Variants in CDC14A observed in about 807,000 individuals in gnomAD.
The protein encoded by CDC14A is dual specificity protein phosphatase CDC14A.
Under a neutral mutation model 74.4 loss-of-function variants are expected in CDC14A, and 53 were observed. The observed-to-expected ratio is 0.71, with a 90% CI of 0.57 to 0.89. CDC14A has a LOEUF of 0.89. Ranked by LOEUF, CDC14A falls within the 40% of genes least tolerant of loss-of-function variation. The pLI, the probability that CDC14A is intolerant of heterozygous loss-of-function variation, is 0.00. For missense variants in CDC14A, 646 were observed against 713.7 expected (o/e 0.91, Z 1.08); for synonymous variants, 247 against 258.4 (o/e 0.96, Z 0.43).
At chr1:100,414,759 CA>C (rs1216780697) in intron 4 of CDC14A, among the ~76,000 whole-genome samples, 1 of 152,052 alleles carries the variant, frequency 6.6e-6, no homozygotes, top group Non-Finnish European at 1.5e-5. Flanking sequence ...AAATGTTCTA[CA>C]GGGTTATATT....
chr1:100,374,479 CT>C (rs1289978282), intron 2 of CDC14A, among the ~76,000 whole-genome samples: 1 of 152,152 alleles, frequency 6.6e-6, no homozygotes, highest in Non-Finnish European at 1.5e-5. Flanking sequence ...TGTTTCCTGA[CT>C]TTTTAATGAT....
chr1:100,440,449 A>G (rs775971034), intron 6 of CDC14A, among the ~76,000 whole-genome samples: 1 of 152,018 alleles, frequency 6.6e-6, no homozygotes, highest in African/African-American at 2.4e-5. Context: ...GATTTGATGC[A>G]CTCCAAAGTT....
chr1:100,376,307 A>AT (rs1449100386), intron 2 of CDC14A, among the ~76,000 whole-genome samples: 1 of 152,170 alleles, frequency 6.6e-6, no homozygotes, highest in Non-Finnish European at 1.5e-5. Context: ...ATATATATAT[A>AT]TATAAAGTAC....
Position 100,495,363 on chromosome 1 carries a change from T to C in CDC14A, c.1250+433T>C, listed in dbSNP as rs141710604. Among the ~76,000 whole-genome samples, 304 of 152,328 alleles carry C rather than the reference T, an allele frequency of 2.0e-3. 1 individual carries two copies. Among genetic ancestry groups the C allele is most frequent in the South Asian group, 0.013 (63 of 4,830 alleles). ...CAGCTTTACCTTCTATTTTTGAAAATTGAATAAGCAATTCTTACCTGTGCC... is the reference window on the plus strand; with the variant it reads ...CAGCTTTACCTTCTATTTTTGAAAACTGAATAAGCAATTCTTACCTGTGCC... On this transcript the variant is annotated intron_variant, in intron 12 of 15. Coordinates refer to ENST00000336454, the MANE Select transcript of CDC14A (RefSeq NM_003672.4).
intron 13 of CDC14A, among the ~76,000 whole-genome samples, chr1:100,497,525 A>C (rs913366943): frequency 6.6e-5 from 10 of 152,258 alleles, no homozygotes; most frequent in Non-Finnish European, 1.5e-4. Context: ...AAGGCTATTC[A>C]CAATTTGAAT....
chr1:100,477,871 G>T (rs1346670921), intron 10 of CDC14A, among the ~76,000 whole-genome samples: 3 of 152,148 alleles, frequency 2.0e-5, no homozygotes, highest in Admixed American at 6.5e-5. Flanking sequence ...AGAAAGGCTG[G>T]TTTGTCATAT....
At chr1:100,401,030 G>A (rs1012555875) in intron 4 of CDC14A, among the ~76,000 whole-genome samples, 5 of 152,180 alleles carry the variant, frequency 3.3e-5, no homozygotes, top group African/African-American at 1.2e-4. Flanking sequence ...TATGCTTACA[G>A]TAATTTACTC....
At chr1:100,414,991 A>G (rs972932443) in intron 4 of CDC14A, among the ~76,000 whole-genome samples, 2 of 152,140 alleles carry the variant, frequency 1.3e-5, no homozygotes, top group Non-Finnish European at 2.9e-5. Flanking sequence ...ATGCTGGTAC[A>G]TGAACTCACC....
chr1:100,486,508 G>A (rs888649688), intron 11 of CDC14A, among the ~76,000 whole-genome samples: 2 of 152,206 alleles, frequency 1.3e-5, no homozygotes, highest in Non-Finnish European at 2.9e-5. Flanking sequence ...CGGTTCTGCA[G>A]GTTGGGAAAT....
intron 2 of CDC14A, among the ~76,000 whole-genome samples, chr1:100,372,602 TATC>T (rs1654636355): frequency 6.6e-6 from 1 of 152,232 alleles, no homozygotes; most frequent in African/African-American, 2.4e-5. Context: ...ATTCAAGTTT[TATC>T]ATGAGAATTT....
At chr1:100,441,165 A>G (rs1380625672) in intron 6 of CDC14A, among the ~76,000 whole-genome samples, 1 of 152,266 alleles carries the variant, frequency 6.6e-6, no homozygotes, top group Non-Finnish European at 1.5e-5. Flanking sequence ...ACACTGGAAT[A>G]TCGCTGCCTG....
At chr1:100,370,285 A>T (rs369982237) in intron 2 of CDC14A, among the ~76,000 whole-genome samples, 5 of 151,710 alleles carry the variant, frequency 3.3e-5, no homozygotes, top group South Asian at 4.2e-4. Context: ...CACCCAGCCT[A>T]AAGTTTTTTT....
At chr1:100,472,802 A>G (rs1389102121) in intron 10 of CDC14A, among the ~76,000 whole-genome samples, 5 of 151,884 alleles carry the variant, frequency 3.3e-5, no homozygotes, top group African/African-American at 4.8e-5. Context: ...CAGTTGCTTC[A>G]GTACCATTTT....
At chr1:100,490,607 A>G (rs889092672) in intron 11 of CDC14A, among the ~76,000 whole-genome samples, 2 of 152,118 alleles carry the variant, frequency 1.3e-5, no homozygotes, top group Non-Finnish European at 2.9e-5. Context: ...ACCACTGTAT[A>G]GCCGCTTAAA....
intron 8 of CDC14A, among the ~76,000 whole-genome samples, chr1:100,458,062 C>A (rs538386525): frequency 2.6e-5 from 4 of 152,142 alleles, no homozygotes; most frequent in Non-Finnish European, 4.4e-5. Context: ...AGCCACCATT[C>A]GCTTACCTGC....
intron 10 of CDC14A, among the ~76,000 whole-genome samples, chr1:100,476,846 G>A (rs1386730142): frequency 6.6e-6 from 1 of 152,126 alleles, no homozygotes; most frequent in African/African-American, 2.4e-5. Context: ...TATGGAAAAA[G>A]GGACTTTGCA....
At chr1:100,378,333 T>C (rs1351019511) in intron 3 of CDC14A, among the ~76,000 whole-genome samples, 2 of 152,212 alleles carry the variant, frequency 1.3e-5, no homozygotes, top group Non-Finnish European at 2.9e-5. Flanking sequence ...TATCTCCTTG[T>C]CTTCCAATTT....
rs543219854 is a variant in CDC14A at position 100,361,237 on chromosome 1, A to G, written c.140+7385A>G. On this transcript the variant is annotated intron_variant, in intron 2 of 15. Coordinates refer to ENST00000336454, the MANE Select transcript of CDC14A (RefSeq NM_003672.4). ...TTCATAAGTGGTTGAAAATTGCTAT[A>G]CAAGAAACTTAGTATTTAGATGGGA... Among the ~76,000 whole-genome samples, 8 of 152,368 alleles carry G rather than the reference A, an allele frequency of 5.3e-5. 2 individuals carry two copies. The highest frequency in any genetic ancestry group is 1.9e-4 in the African/African-American group (8 of 41,588).
intron 5 of CDC14A, among the ~76,000 whole-genome samples, chr1:100,438,105 A>G (rs1188672693): frequency 6.6e-6 from 1 of 152,208 alleles, no homozygotes; most frequent in East Asian, 1.9e-4. Flanking sequence ...ACAATTTAAT[A>G]TCACTTACAG....
Sources: gnomAD v4.1 joint callset for allele counts (sites outside exome capture counted in the v4.1 genomes callset) on GRCh38, gnomAD v4.1.1 for gene constraint, MANE v1.5 for transcripts, NCBI Gene and HGNC (gene_info 2026-07-23, HGNC 2026-07-21) for gene names.